Variants in RNF17 observed in about 807,000 individuals in gnomAD.
RNF17 encodes spermatogenesis associated 23.
A neutral mutation model predicts 200.5 loss-of-function variants in RNF17; 31 were observed. That is an observed-to-expected ratio of 0.15 (90% confidence interval 0.12 to 0.21). RNF17 has a LOEUF of 0.21. RNF17 is among the 10% of genes least tolerant of loss of function. RNF17 has a pLI of 1.00. For missense variants in RNF17, 1,628 were observed against 1,905.1 expected, an observed-to-expected ratio of 0.85 and a Z score of 2.71; for synonymous variants, 606 against 637.8, an observed-to-expected ratio of 0.95 and a Z score of 0.75.
At chr13:24,821,328 C>T (rs1017773569) in intron 15 of RNF17, among the ~76,000 whole-genome samples, 6 of 151,410 alleles carry the variant, frequency 4.0e-5, no homozygotes, top group African/African-American at 1.4e-4. Flanking sequence ...TATAGCTCTC[C>T]AACATATCTT....
intron 16 of RNF17, among the ~76,000 whole-genome samples, chr13:24,827,652 A>C (rs1888838521): frequency 7.7e-6 from 1 of 129,114 alleles, no homozygotes; most frequent in Non-Finnish European, 1.6e-5. Flanking sequence ...CAGTGAGCCG[A>C]GATCCCGCCA....
downstream of RNF17, among the ~76,000 whole-genome samples, chr13:24,880,283 T>A (rs1162205867): frequency 6.6e-6 from 1 of 152,066 alleles, no homozygotes; most frequent in Admixed American, 6.5e-5. Flanking sequence ...AACCATCAGA[T>A]CTTGTGAGAA....
intron 16 of RNF17, among the ~76,000 whole-genome samples, chr13:24,829,385 C>T (rs1161585773): frequency 6.6e-6 from 1 of 152,166 alleles, no homozygotes. Context: ...CTTTCCATAT[C>T]CATCTATTTG....
intron 18 of RNF17, among the ~76,000 whole-genome samples, chr13:24,840,946 A>G (rs1470613003): frequency 1.3e-5 from 2 of 152,212 alleles, no homozygotes; most frequent in African/African-American, 4.8e-5. Flanking sequence ...CTTGGTTAAT[A>G]TAGAATGTTG....
At chr13:24,767,237 A>C in intron 1 of RNF17, 35 bp from the exon 2 acceptor site, 1 of 1,413,818 alleles carries the variant, frequency 7.1e-7, no homozygotes, top group Non-Finnish European at 1.0e-6. Flanking sequence ...AATCATCATC[A>C]TCATCAAAAT....
chr13:24,855,253 A>G (rs1448833224), intron 25 of RNF17, among the ~76,000 whole-genome samples: 2 of 152,140 alleles, frequency 1.3e-5, no homozygotes, highest in Non-Finnish European at 2.9e-5. Flanking sequence ...GTGATTACAA[A>G]AAATCCTACT....
Position 24,847,073 on chromosome 13 carries a change from A to G in RNF17, c.3101+1994A>G, listed in dbSNP as rs558514749. Reference sequence around the variant, plus strand: ...ATACTGGTTTATCTAGCTTATTTGTATCTCATCTGCAAGGATCTCATGAGA... The same window carrying G: ...ATACTGGTTTATCTAGCTTATTTGTGTCTCATCTGCAAGGATCTCATGAGA... On this transcript the variant is annotated intron_variant, in intron 22 of 35. Transcript: ENST00000255324. Among the ~76,000 whole-genome samples the G allele has an allele frequency of 9.9e-5, 15 of 151,768 alleles. No homozygotes were observed. The South Asian group carries it at 2.7e-3, about 27-fold the overall frequency.
intron 6 of RNF17, among the ~76,000 whole-genome samples, chr13:24,783,104 T>C (rs1042356840): frequency 6.6e-6 from 1 of 152,208 alleles, no homozygotes; most frequent in African/African-American, 2.4e-5. Context: ...CTTCATCCTT[T>C]TGAGTTGGAT....
At chr13:24,773,343 A>G (rs964272293) in intron 2 of RNF17, among the ~76,000 whole-genome samples, 7 of 152,256 alleles carry the variant, frequency 4.6e-5, no homozygotes, top group African/African-American at 1.7e-4. Flanking sequence ...AAAATGTTGT[A>G]CGTATACACC....
chr13:24,838,983 A>G (rs1890322844), intron 18 of RNF17, among the ~76,000 whole-genome samples: 1 of 152,220 alleles, frequency 6.6e-6, no homozygotes, highest in African/African-American at 2.4e-5. Context: ...GTTTCCGGAT[A>G]CAAGATTAAT....
chr13:24,776,096 T>C (rs1285449008), intron 3 of RNF17, among the ~76,000 whole-genome samples: 1 of 152,226 alleles, frequency 6.6e-6, no homozygotes, highest in Non-Finnish European at 1.5e-5. Context: ...TGTGGAACTT[T>C]CCAATTTTGT....
In RNF17 at chr13:24,796,118, C is replaced by T. The variant is rs202016021; in HGVS notation, c.1241-19C>T. On this transcript the variant is annotated intron_variant, in intron 10 of 35. Coordinates refer to ENST00000255324, the MANE Select transcript of RNF17 (RefSeq NM_031277.3). ...TCTAACTCATGGTTTATTAATGTGA[C>T]TTAAACATTTTTATCCAGGTTCTGC... 2 of 1,579,420 alleles carry T rather than the reference C, an allele frequency of 1.3e-6. No individual in the cohort carries two copies. Among genetic ancestry groups the T allele is most frequent in the East Asian group, 2.3e-5 (1 of 44,252 alleles).
chr13:24,883,402 A>C, downstream of RNF17: 1 of 1,482,046 alleles, frequency 6.7e-7, no homozygotes, highest in Non-Finnish European at 9.2e-7. Context: ...GATTTCTTAA[A>C]AAAAAAATAA....
chr13:24,789,128 C>T (rs1593254497), intron 7 of RNF17, among the ~76,000 whole-genome samples: 2 of 152,250 alleles, frequency 1.3e-5, no homozygotes, highest in East Asian at 3.9e-4. Flanking sequence ...TTTCTCTGAT[C>T]ATGTAGCTCT....
At chr13:24,864,584 C>T (rs182544030) in intron 28 of RNF17, among the ~76,000 whole-genome samples, 20 of 152,218 alleles carry the variant, frequency 1.3e-4, no homozygotes, top group Non-Finnish European at 2.5e-4. Context: ...TTAGTATCAT[C>T]TAAAGGTGAT....
chr13:24,871,234 G>A (rs1894214729), intron 32 of RNF17, among the ~76,000 whole-genome samples: 3 of 152,178 alleles, frequency 2.0e-5, no homozygotes, highest in Admixed American at 2.0e-4. Context: ...TGAGGAAAAT[G>A]TATCTAGTTA....
chr13:24,860,363 A>G (rs1892972173), intron 26 of RNF17, among the ~76,000 whole-genome samples: 1 of 152,036 alleles, frequency 6.6e-6, no homozygotes, highest in Non-Finnish European at 1.5e-5. Flanking sequence ...TAGTTTAATC[A>G]TCACCTTTTA....
the RNF17 span, among the ~76,000 whole-genome samples, chr13:24,754,330 A>G: frequency 6.6e-6 from 1 of 152,114 alleles, no homozygotes; most frequent in Non-Finnish European, 1.5e-5. Context: ...TGTCTTTTTC[A>G]CAGACTCCAG....
At chr13:24,756,448 T>G in the RNF17 span, among the ~76,000 whole-genome samples, 1 of 152,166 alleles carries the variant, frequency 6.6e-6, no homozygotes, top group Non-Finnish European at 1.5e-5. Flanking sequence ...TTCCTCGTTT[T>G]GTTTTCTGTG....
Sources: gnomAD v4.1 joint callset for allele counts (sites outside exome capture counted in the v4.1 genomes callset) on GRCh38, gnomAD v4.1.1 for gene constraint, MANE v1.5 for transcripts, NCBI Gene and HGNC (gene_info 2026-07-23, HGNC 2026-07-21) for gene names.